KANSL1: variants seen among roughly 807,000 people sequenced by gnomAD.
The protein encoded by KANSL1 is MLL1/MLL complex subunit KANSL1.
A neutral mutation model predicts 103.6 loss-of-function variants in KANSL1; 22 were observed. That is an observed-to-expected ratio of 0.21 (90% confidence interval 0.15 to 0.30). The LOEUF (loss-of-function observed/expected upper bound fraction) is 0.30, where lower values mean the gene tolerates loss of function less well. Ranked by LOEUF, KANSL1 falls within the 10% of genes least tolerant of loss-of-function variation. KANSL1 has a pLI of 1.00. For synonymous variants in KANSL1, 600 were observed against 527.6 expected, an observed-to-expected ratio of 1.14 and a Z score of -1.88; for missense variants, 1,337 against 1,399.8, an observed-to-expected ratio of 0.96 and a Z score of 0.72.
chr17:46,080,099 G>T (rs1311714978), intron 4 of KANSL1, among the ~76,000 whole-genome samples: 1 of 151,842 alleles, frequency 6.6e-6, no homozygotes, highest in East Asian at 1.9e-4. Context: ...TTCTAAAGAC[G>T]CTGATTTTTT....
At chr17:46,181,056 G>T (rs758523) in intron 1 of KANSL1, among the ~76,000 whole-genome samples, 21,944 of 152,046 alleles carry the variant, frequency 0.14, 2,136 homozygotes, top group Middle Eastern at 0.22. Flanking sequence ...AATCCAGATA[G>T]GATGCAATGA....
intron 2 of KANSL1, among the ~76,000 whole-genome samples, chr17:46,136,217 TAATTTTA>T (rs1042432137): frequency 1.3e-5 from 2 of 152,204 alleles, no homozygotes; most frequent in African/African-American, 4.8e-5. Flanking sequence ...AAAAAGACCT[TAATTTTA>T]AAATGAGAAT....
intron 6 of KANSL1, among the ~76,000 whole-genome samples, chr17:46,064,717 C>T: frequency 6.6e-6 from 1 of 151,990 alleles, no homozygotes; most frequent in Non-Finnish European, 1.5e-5. Context: ...TCGTCACTCC[C>T]TTCCCAATCC....
At chr17:46,038,214 T>A in intron 10 of KANSL1, 1 of 306,298 alleles carries the variant, frequency 3.3e-6, no homozygotes, top group Non-Finnish European at 6.0e-6. Flanking sequence ...CACGGAACTG[T>A]TGAGTCCTGT....
rs886053069 is a variant in KANSL1 at position 46,066,709 on chromosome 17, T to C, written c.1676A>G (p.His559Arg). Residue 559 changes from histidine to arginine, a missense_variant, in exon 6 of 15, where the codon CAC becomes CGC. By Grantham distance (29) the His-to-Arg change is conservative. Transcript: ENST00000432791. ...INTLQPVLAD[H>R]IPGDSSDAEE... ...AGCATCAGAGCTGTCACCTGGAATG[T>C]GGTCTGCCAAGACAGGCTGAAGACT... The C allele has an allele frequency of 9.9e-6, 16 of 1,614,046 alleles. No individual in the cohort carries two copies. The highest frequency in any genetic ancestry group is 1.3e-5 in the Non-Finnish European group (15 of 1,179,964).
intron 6 of KANSL1, among the ~76,000 whole-genome samples, chr17:46,065,587 G>A (rs1318291259): frequency 6.6e-6 from 1 of 152,144 alleles, no homozygotes; most frequent in Non-Finnish European, 1.5e-5. Flanking sequence ...GCTTTGGAGA[G>A]GAGTGGAAGT....
At chr17:46,138,308 A>T (rs1229752419) in intron 2 of KANSL1, among the ~76,000 whole-genome samples, 1 of 152,200 alleles carries the variant, frequency 6.6e-6, no homozygotes, top group Non-Finnish European at 1.5e-5. Flanking sequence ...AAACAGCAAA[A>T]ATATTTAAAA....
At chr17:46,144,102 G>A (rs1031586776) in intron 2 of KANSL1, among the ~76,000 whole-genome samples, 8 of 152,154 alleles carry the variant, frequency 5.3e-5, no homozygotes, top group Non-Finnish European at 1.0e-4. Flanking sequence ...GGGGGAAAAC[G>A]AAAAATTATA....
At chr17:46,092,171 G>A (rs1292485217) in intron 3 of KANSL1, among the ~76,000 whole-genome samples, 5 of 152,126 alleles carry the variant, frequency 3.3e-5, no homozygotes, top group East Asian at 3.9e-4. Context: ...TGATGTTCAC[G>A]CACCAATGAA....
intron 2 of KANSL1, among the ~76,000 whole-genome samples, chr17:46,150,257 T>TC (rs373505249): frequency 0.01 from 1,580 of 151,480 alleles, 9 homozygotes; most frequent in Middle Eastern, 0.044. Context: ...GAATGTCCTT[T>TC]CTTCTTTCCC....
At chr17:46,184,231 A>T (rs1223208235) in intron 1 of KANSL1, among the ~76,000 whole-genome samples, 3 of 152,202 alleles carry the variant, frequency 2.0e-5, no homozygotes, top group Middle Eastern at 3.4e-3. Flanking sequence ...TGACATACTG[A>T]CTGAATTTTG....
At chr17:46,057,016 G>T (rs1475954925) in intron 6 of KANSL1, among the ~76,000 whole-genome samples, 3 of 152,022 alleles carry the variant, frequency 2.0e-5, no homozygotes, top group African/African-American at 7.3e-5. Context: ...TTCAAATTAC[G>T]GTCATCCCGT....
At chr17:46,201,399 A>G (rs1239920252) in intron 1 of KANSL1, among the ~76,000 whole-genome samples, 1 of 152,200 alleles carries the variant, frequency 6.6e-6, no homozygotes, top group African/African-American at 2.4e-5. Flanking sequence ...AATAAACACA[A>G]ATATATTACA....
chr17:46,177,157 T>C (rs1254358000), intron 1 of KANSL1, among the ~76,000 whole-genome samples: 1 of 152,240 alleles, frequency 6.6e-6, no homozygotes, highest in African/African-American at 2.4e-5. Flanking sequence ...AGTCTCCTCA[T>C]CTACAAGTAA....
chr17:46,095,297 C>T (rs1227902519), intron 2 of KANSL1, among the ~76,000 whole-genome samples: 3 of 152,074 alleles, frequency 2.0e-5, no homozygotes, highest in South Asian at 2.1e-4. Flanking sequence ...ATCAAATTGC[C>T]TACAGTATTT....
At chr17:46,215,476 G>A (rs1177302580) in intron 1 of KANSL1, among the ~76,000 whole-genome samples, 1 of 152,234 alleles carries the variant, frequency 6.6e-6, no homozygotes, top group Non-Finnish European at 1.5e-5. Context: ...TTGGAAGAGA[G>A]AAAGCAGTCA....
intron 2 of KANSL1, among the ~76,000 whole-genome samples, chr17:46,099,251 A>G (rs1382751570): frequency 6.9e-6 from 1 of 144,904 alleles, no homozygotes; most frequent in Non-Finnish European, 1.6e-5. Flanking sequence ...GTGAACCCGG[A>G]AGGCGGAGCT....
intron 2 of KANSL1, among the ~76,000 whole-genome samples, chr17:46,110,905 G>A (rs1339896598): frequency 3.3e-5 from 5 of 152,150 alleles, no homozygotes; most frequent in African/African-American, 9.7e-5. Flanking sequence ...GTAGTAATAG[G>A]TAGAAATAGT....
At chr17:46,150,448 C>A (rs1478182530) in intron 2 of KANSL1, among the ~76,000 whole-genome samples, 2 of 152,214 alleles carry the variant, frequency 1.3e-5, no homozygotes, top group Non-Finnish European at 2.9e-5. Flanking sequence ...TGAATTATAT[C>A]TTAGATCCCC....
Sources: allele counts gnomAD v4.1 joint callset (sites outside exome capture counted in the v4.1 genomes callset), GRCh38; gene constraint gnomAD v4.1.1; transcripts MANE v1.5; gene names NCBI Gene and HGNC (gene_info 2026-07-23, HGNC 2026-07-21).